Variants in AGBL4 observed in about 807,000 individuals in gnomAD.
The protein encoded by AGBL4 is AGBL carboxypeptidase 4, also known as cytosolic carboxypeptidase 6.
Under a neutral mutation model 66.4 loss-of-function variants are expected in AGBL4, and 58 were observed. The ratio of observed to expected loss-of-function variants is 0.87; its 90% CI spans 0.71 to 1.09. The LOEUF (loss-of-function observed/expected upper bound fraction) is 1.09, where lower values mean the gene tolerates loss of function less well. Among genes scored for constraint, AGBL4 ranks in the 50% least tolerant of loss-of-function variants. The probability of loss-of-function intolerance (pLI) is 0.00; values close to 1 mark genes in which losing one functional copy is unlikely to be tolerated. For synonymous variants in AGBL4, 234 were observed against 222.9 expected (o/e 1.05, Z -0.44); for missense variants, 579 against 631.0 (o/e 0.92, Z 0.88).
At chr1:49,881,421 C>G (rs1336547032) in intron 1 of AGBL4, among the ~76,000 whole-genome samples, 1 of 151,960 alleles carries the variant, frequency 6.6e-6, no homozygotes, top group Admixed American at 6.6e-5. Context: ...ATGGCTGGGT[C>G]AAATGGTATT....
chr1:49,069,365 G>T (rs12086759), intron 4 of AGBL4, among the ~76,000 whole-genome samples: 1 of 152,114 alleles, frequency 6.6e-6, no homozygotes, highest in African/African-American at 2.4e-5. Flanking sequence ...ATGGTTTTAG[G>T]TCTTACATTT....
chr1:48,524,880 A>G, the AGBL4 span, among the ~76,000 whole-genome samples: 1 of 142,826 alleles, frequency 7.0e-6, no homozygotes, highest in East Asian at 2.1e-4. Flanking sequence ...TGCCCTATGG[A>G]TACTATTAGC....
intron 5 of AGBL4, among the ~76,000 whole-genome samples, chr1:48,924,325 T>G (rs1264364144): frequency 4.0e-5 from 6 of 151,374 alleles, no homozygotes; most frequent in Non-Finnish European, 7.4e-5. Flanking sequence ...AATAGGCTTA[T>G]GCTTCATGGG....
intron 5 of AGBL4, among the ~76,000 whole-genome samples, chr1:48,875,222 T>C (rs1025089036): frequency 6.6e-6 from 1 of 152,162 alleles, no homozygotes; most frequent in Non-Finnish European, 1.5e-5. Flanking sequence ...AAAGGTATTC[T>C]GATGGGGGTT....
chr1:49,033,829 T>C (rs1182935764), intron 5 of AGBL4, among the ~76,000 whole-genome samples: 1 of 151,938 alleles, frequency 6.6e-6, no homozygotes, highest in Admixed American at 6.6e-5. Flanking sequence ...TTTCTTTTTT[T>C]TTTTTTTTAC....
intron 9 of AGBL4, among the ~76,000 whole-genome samples, chr1:48,608,703 G>C (rs1198797452): frequency 6.6e-6 from 1 of 152,014 alleles, no homozygotes; most frequent in Non-Finnish European, 1.5e-5. Context: ...AGCTTTTTGT[G>C]TACTTCTGCT....
chr1:48,639,856 C>T (rs1197218194), intron 8 of AGBL4, among the ~76,000 whole-genome samples: 3 of 152,178 alleles, frequency 2.0e-5, no homozygotes, highest in East Asian at 3.9e-4. Flanking sequence ...GTGTCCCTAA[C>T]TGACTATAAG....
In AGBL4 at chr1:49,740,528, T is replaced by C. The variant is rs539687230; in HGVS notation, c.158-43091A>G. On this transcript the variant is annotated intron_variant, in intron 2 of 13. Transcript: ENST00000371839. ...TTAACAAGGATATCCAGGAATTGAA[T>C]TCAGCTCTGCACCAAGCAGACCTAA... Among the ~76,000 whole-genome samples, 13 of 152,178 alleles carry C rather than the reference T, an allele frequency of 8.5e-5. No individual in the cohort carries two copies. In the East Asian group the frequency reaches 1.9e-3, roughly 23 times the overall value.
In AGBL4 at chr1:49,057,364, G is replaced by C. The variant is rs1318182727; in HGVS notation, c.378-11564C>G. Among the ~76,000 whole-genome samples, 3 of 152,222 alleles carry C rather than the reference G, an allele frequency of 2.0e-5. No homozygotes were observed. The East Asian group carries it at 5.8e-4, about 29-fold the overall frequency. On this transcript the variant is annotated intron_variant, in intron 4 of 13. Transcript: ENST00000371839. The stretch of plus-strand genomic sequence containing the variant: ...GCCAAGGAGGTTCAGGCTGCAGTGA[G>C]CCATGATTGTGCCACAGCACTGCAG...
In AGBL4 at chr1:49,539,598, T is replaced by C. The variant is rs562767974; in HGVS notation, c.282+157715A>G. ...CCTTGAACTCTTCCTACTGGATTAC[T>C]CAGGAAAGTATCTGCATAATAAACC... On this transcript the variant is annotated intron_variant, in intron 3 of 13. Coordinates refer to ENST00000371839, the MANE Select transcript of AGBL4 (RefSeq NM_032785.4). Among the ~76,000 whole-genome samples, 7 of 152,338 alleles carry C rather than the reference T, an allele frequency of 4.6e-5. No homozygotes were observed. The East Asian group carries it at 1.3e-3, about 29-fold the overall frequency.
intron 1 of AGBL4, chr1:50,017,409 C>T (rs904121975): frequency 2.0e-5 from 3 of 152,114 alleles, no homozygotes; most frequent in African/African-American, 7.2e-5. Flanking sequence ...TAAACATGAA[C>T]ATCCGCCTAT....
At chr1:48,851,354 T>C (rs1647027086) in intron 6 of AGBL4, among the ~76,000 whole-genome samples, 1 of 152,110 alleles carries the variant, frequency 6.6e-6, no homozygotes, top group African/African-American at 2.4e-5. Flanking sequence ...GTAGAGGACT[T>C]AGTGGGACCA....
chr1:49,572,795 G>C (rs1167013319), intron 3 of AGBL4, among the ~76,000 whole-genome samples: 1 of 152,170 alleles, frequency 6.6e-6, no homozygotes. Flanking sequence ...TTAATCCTGG[G>C]TGTGTCTGTG....
At chr1:48,563,727 C>T (rs1644432080) in intron 11 of AGBL4, among the ~76,000 whole-genome samples, 1 of 152,126 alleles carries the variant, frequency 6.6e-6, no homozygotes, top group African/African-American at 2.4e-5. Flanking sequence ...GGACAAAAAG[C>T]TTCTAGCCAC....
intron 8 of AGBL4, among the ~76,000 whole-genome samples, chr1:48,643,072 C>T (rs1645782591): frequency 1.3e-5 from 2 of 152,146 alleles, no homozygotes; most frequent in African/African-American, 4.8e-5. Context: ...GGTAAAATGC[C>T]AAGGACACCA....
In AGBL4 at chr1:49,398,335, C is replaced by CTT. The variant is rs1645014954; in HGVS notation, c.283-152472_283-152471insAA. Among the ~76,000 whole-genome samples the CTT allele has an allele frequency of 3.8e-4, 4 of 10,490 alleles. No homozygotes were observed. In the South Asian group the frequency reaches 5.5e-3, roughly 15 times the overall value. 6.9% of individuals were successfully genotyped at this position (10,490 alleles called of 152,430 possible). The stretch of plus-strand genomic sequence containing the variant: ...AGTCTCTCTCTCCCTCTCTCTCTTT[C>CTT]TCTCTCTCTCTCTCTCTCTCTCTCT... On this transcript the variant is annotated intron_variant, in intron 3 of 13. Coordinates refer to ENST00000371839, the MANE Select transcript of AGBL4 (RefSeq NM_032785.4).
intron 9 of AGBL4, among the ~76,000 whole-genome samples, chr1:48,619,080 C>T (rs1460183571): frequency 6.6e-6 from 1 of 152,194 alleles, no homozygotes; most frequent in Non-Finnish European, 1.5e-5. Flanking sequence ...CATGCCCACC[C>T]TGCTCTGCAC....
At chr1:49,993,139 A>G (rs1660090642) in intron 1 of AGBL4, among the ~76,000 whole-genome samples, 1 of 152,250 alleles carries the variant, frequency 6.6e-6, no homozygotes, top group Non-Finnish European at 1.5e-5. Context: ...TGATGAATAA[A>G]GCAAATAAAA....
chr1:48,720,046 C>T (rs1356392978), intron 6 of AGBL4, among the ~76,000 whole-genome samples: 4 of 152,294 alleles, frequency 2.6e-5, no homozygotes, highest in East Asian at 1.9e-4. Flanking sequence ...TACCCCTAGG[C>T]GGAAATAACT....
Sources: gnomAD v4.1 joint callset for allele counts (sites outside exome capture counted in the v4.1 genomes callset) on GRCh38, gnomAD v4.1.1 for gene constraint, MANE v1.5 for transcripts, NCBI Gene and HGNC (gene_info 2026-07-23, HGNC 2026-07-21) for gene names.